Variants in RPS6KA2 observed in about 807,000 individuals in gnomAD.
RPS6KA2 encodes the protein ribosomal protein S6 kinase A2.
Under a neutral mutation model 91.8 loss-of-function variants are expected in RPS6KA2, and 42 were observed. The ratio of observed to expected loss-of-function variants is 0.46; its 90% confidence interval spans 0.36 to 0.59. The LOEUF is 0.59. Ranked by LOEUF, RPS6KA2 falls within the 20% of genes least tolerant of loss-of-function variation. The pLI, the probability that RPS6KA2 is intolerant of heterozygous loss-of-function variation, is 0.00. For synonymous variants in RPS6KA2, 414 were observed against 393.6 expected (o/e 1.05, Z -0.61); for missense variants, 798 against 978.5 (o/e 0.82, Z 2.46).
At chr6:166,441,153 C>T (rs964672199) in intron 14 of RPS6KA2, among the ~76,000 whole-genome samples, 1 of 152,158 alleles carries the variant, frequency 6.6e-6, no homozygotes, top group Non-Finnish European at 1.5e-5. Flanking sequence ...CTTCCTTGTC[C>T]ATCTAAATGT....
At chr6:166,468,224 A>C (rs908245664) in intron 11 of RPS6KA2, among the ~76,000 whole-genome samples, 1 of 152,220 alleles carries the variant, frequency 6.6e-6, no homozygotes, top group South Asian at 2.1e-4. Flanking sequence ...TTTTCAGGGA[A>C]GCTAAGTAAG....
chr6:166,558,481 A>G (rs534579910), intron 1 of RPS6KA2, among the ~76,000 whole-genome samples: 138 of 152,326 alleles, frequency 9.1e-4, no homozygotes, highest in African/African-American at 3.1e-3. Context: ...AATAAGGGTT[A>G]ACTAAATATC....
chr6:166,617,125 G>A (rs1043565360), intron 1 of RPS6KA2, among the ~76,000 whole-genome samples: 14 of 152,326 alleles, frequency 9.2e-5, no homozygotes, highest in Admixed American at 7.8e-4. Flanking sequence ...GAAACTCAGC[G>A]TCAGGAGTCA....
At chr6:166,537,057 C>G (rs1783502568) in intron 2 of RPS6KA2, among the ~76,000 whole-genome samples, 2 of 152,240 alleles carry the variant, frequency 1.3e-5, no homozygotes, top group Admixed American at 1.3e-4. Context: ...GTGAGGAGGA[C>G]ATTGGTAAGA....
chr6:166,767,994 G>A lies in RPS6KA2; in HGVS notation c.123+90206C>T, dbSNP rs1231563850. 6.6e-6 allele frequency among the ~76,000 whole-genome samples: 1 copy of A among 152,202 alleles called. No individual in the cohort carries two copies. Among genetic ancestry groups the A allele is most frequent in the Non-Finnish European group, 1.5e-5 (1 of 68,034 alleles). ...CTTGGCCACCACTGCACCATAACAA[G>A]AGTGCTCACATTTCTGTCCTTCCAA... On this transcript the variant is annotated intron_variant, in intron 2 of 21. Transcript: ENST00000503859. The surrounding 1 kb of genome is among the most constrained non-coding windows in gnomAD (Gnocchi z 4.6).
chr6:166,789,251 T>G (rs529349069), intron 2 of RPS6KA2, among the ~76,000 whole-genome samples: 68 of 152,326 alleles, frequency 4.5e-4, no homozygotes, highest in African/African-American at 1.5e-3. Context: ...CCACGGAGTC[T>G]CGCTGATTGC....
intron 14 of RPS6KA2, among the ~76,000 whole-genome samples, chr6:166,446,688 C>T (rs1036506921): frequency 1.3e-5 from 2 of 152,162 alleles, no homozygotes; most frequent in Non-Finnish European, 1.5e-5. Flanking sequence ...ACCATCGCCT[C>T]GTCACTGGGG....
intron 6 of RPS6KA2, among the ~76,000 whole-genome samples, chr6:166,504,246 T>C (rs1782119462): frequency 1.3e-5 from 2 of 152,220 alleles, no homozygotes; most frequent in Admixed American, 6.5e-5. Flanking sequence ...GACATGCACC[T>C]GAGCCTGGCC....
chr6:166,707,081 C>G (rs1789699865), intron 2 of RPS6KA2, among the ~76,000 whole-genome samples: 1 of 152,218 alleles, frequency 6.6e-6, no homozygotes, highest in Non-Finnish European at 1.5e-5. Context: ...AAGTACCCAG[C>G]AAACTTGAGA....
At chr6:166,558,744 C>T (rs1380855746) in intron 1 of RPS6KA2, among the ~76,000 whole-genome samples, 4 of 152,120 alleles carry the variant, frequency 2.6e-5, no homozygotes, top group Non-Finnish European at 4.4e-5. Flanking sequence ...GTGAGGGATC[C>T]GAGAGGCCTA....
intron 1 of RPS6KA2, among the ~76,000 whole-genome samples, chr6:166,594,676 A>T (rs1785478843): frequency 6.6e-6 from 1 of 152,158 alleles, no homozygotes; most frequent in African/African-American, 2.4e-5. Context: ...GTTAGCCAGG[A>T]TGGTCTCGAT....
In RPS6KA2 at chr6:166,580,259, C is replaced by T. The variant is rs540490777; in HGVS notation, c.100-41475G>A. On this transcript the variant is annotated intron_variant, in intron 1 of 20. Transcript: ENST00000265678. ...CGATGGCTCTCAGGGACCTGAGGGC[C>T]GGCAAAGGTAGAACAGGTGTCCACT... 2.6e-3 allele frequency among the ~76,000 whole-genome samples: 392 copies of T among 152,304 alleles called. 2 individuals are homozygous for T. Among genetic ancestry groups the T allele is most frequent in the Middle Eastern group, 0.01 (3 of 294 alleles).
At chr6:166,452,903 C>T (rs893526753) in intron 12 of RPS6KA2, among the ~76,000 whole-genome samples, 18 of 152,040 alleles carry the variant, frequency 1.2e-4, no homozygotes, top group African/African-American at 4.1e-4. Context: ...CGAAAGACTT[C>T]GAAAGTCTTT....
rs913518767 is a variant in RPS6KA2, at chr6:166,457,442, GAGGTGA to G, written c.1075+2001_1075+2006del. Among the ~76,000 whole-genome samples, 103 of 152,232 alleles carry G rather than the reference GAGGTGA, an allele frequency of 6.8e-4. 4 individuals carry two copies. The highest frequency in any genetic ancestry group is 3.3e-4 in the Admixed American group (5 of 15,284). Reference sequence around the variant, plus strand: ...TTTCTAAGGAAGCTGAGAATGGGGTGAGGTGAAAATCCCACAGTCACTTACCGGAGA... The same window carrying G: ...TTTCTAAGGAAGCTGAGAATGGGGTGAAATCCCACAGTCACTTACCGGAGA... On this transcript the variant is annotated intron_variant, in intron 12 of 20. Coordinates refer to ENST00000265678, the MANE Select transcript of RPS6KA2 (RefSeq NM_021135.6).
intron 12 of RPS6KA2, among the ~76,000 whole-genome samples, chr6:166,458,711 G>A (rs1016428004): frequency 6.6e-6 from 1 of 152,198 alleles, no homozygotes; most frequent in African/African-American, 2.4e-5. Context: ...CAAGGCGAGA[G>A]CTCTCACCAG....
intron 1 of RPS6KA2, among the ~76,000 whole-genome samples, chr6:166,587,400 C>T (rs533453540): frequency 6.6e-6 from 1 of 152,280 alleles, no homozygotes; most frequent in East Asian, 1.9e-4. Context: ...TGTGTGGCAT[C>T]AGACAAGCTC....
chr6:166,723,704 C>CTTT (rs1249150694), intron 2 of RPS6KA2, among the ~76,000 whole-genome samples: 1 of 139,648 alleles, frequency 7.2e-6, no homozygotes, highest in Admixed American at 7.1e-5. Context: ...CTTTTCTTTT[C>CTTT]TTTTTTTTTT....
intron 11 of RPS6KA2, among the ~76,000 whole-genome samples, chr6:166,462,071 G>C (rs920062107): frequency 6.6e-6 from 1 of 152,216 alleles, no homozygotes; most frequent in Non-Finnish European, 1.5e-5. Flanking sequence ...ACACAGCATC[G>C]CGCAGGTGCC....
intron 1 of RPS6KA2, among the ~76,000 whole-genome samples, chr6:166,550,484 T>C (rs1449249182): frequency 6.6e-6 from 1 of 152,192 alleles, no homozygotes; most frequent in Non-Finnish European, 1.5e-5. Context: ...GCTATTAACA[T>C]TTTTTATACT....
Sources: allele counts gnomAD v4.1 joint callset (sites outside exome capture counted in the v4.1 genomes callset), GRCh38; gene constraint gnomAD v4.1.1; non-coding constraint Gnocchi (gnomAD v3.1); transcripts MANE v1.5; gene names NCBI Gene and HGNC (gene_info 2026-07-23, HGNC 2026-07-21).